Variants in CCNY observed in about 807,000 individuals in gnomAD.
CCNY encodes the protein cyclin-Y.
Under a neutral mutation model 42.8 loss-of-function variants are expected in CCNY, and 19 were observed. The observed-to-expected ratio is 0.44, with a 90% CI of 0.31 to 0.65. The LOEUF (loss-of-function observed/expected upper bound fraction) is 0.65, where lower values mean the gene tolerates loss of function less well. Ranked by LOEUF, CCNY falls within the 30% of genes least tolerant of loss-of-function variation. The probability of loss-of-function intolerance (pLI) is 0.07; values close to 1 mark genes in which losing one functional copy is unlikely to be tolerated. For synonymous variants in CCNY, 165 were observed against 162.7 expected (o/e 1.01, Z -0.11); for missense variants, 370 against 437.3 (o/e 0.85, Z 1.37).
chr10:35,269,633 T>G (rs1389142425), intron 3 of CCNY, among the ~76,000 whole-genome samples: 31 of 118,228 alleles, frequency 2.6e-4, no homozygotes, highest in South Asian at 5.8e-4. Context: ...TTTTTTTTGT[T>G]TTGTTTTTTT....
At chr10:35,560,578 A>C in intron 8 of CCNY, among the ~76,000 whole-genome samples, 1 of 152,266 alleles carries the variant, frequency 6.6e-6, no homozygotes, top group Middle Eastern at 3.4e-3. Flanking sequence ...AACTGTGGGG[A>C]AAAAATTCCC....
intron 3 of CCNY, among the ~76,000 whole-genome samples, chr10:35,324,017 C>CAAAAA (rs35546209): frequency 7.4e-6 from 1 of 135,096 alleles, no homozygotes. Flanking sequence ...GACTTTGCCT[C>CAAAAA]AAAAAAAAAA....
chr10:35,312,615 T>G (rs1835700761), intron 3 of CCNY, among the ~76,000 whole-genome samples: 1 of 151,940 alleles, frequency 6.6e-6, no homozygotes, highest in Non-Finnish European at 1.5e-5. Context: ...TTATTTTACC[T>G]CCTAGTAAAC....
intron 1 of CCNY, among the ~76,000 whole-genome samples, chr10:35,354,540 G>T (rs1383124767): frequency 2.0e-5 from 3 of 152,104 alleles, no homozygotes; most frequent in African/African-American, 7.2e-5. Flanking sequence ...ACTGCTATTT[G>T]ATAGAATCAA....
At chr10:35,341,454 A>T (rs961435671) in intron 1 of CCNY, among the ~76,000 whole-genome samples, 1 of 152,232 alleles carries the variant, frequency 6.6e-6, no homozygotes, top group African/African-American at 2.4e-5. Context: ...GATATACTAT[A>T]TAAGTATAAA....
intron 4 of CCNY, among the ~76,000 whole-genome samples, chr10:35,523,933 C>T (rs1296730214): frequency 6.6e-6 from 1 of 152,150 alleles, no homozygotes; most frequent in Non-Finnish European, 1.5e-5. Context: ...GCTGTATGCT[C>T]CCTCACAGGG....
At chr10:35,429,624 A>T (rs1838340986) in intron 1 of CCNY, among the ~76,000 whole-genome samples, 1 of 152,220 alleles carries the variant, frequency 6.6e-6, no homozygotes, top group African/African-American at 2.4e-5. Context: ...GTGAAAATGG[A>T]GTATGCAGGT....
Position 35,369,660 on chromosome 10 carries a change from T to A in CCNY, c.154+32453T>A, listed in dbSNP as rs187016977. On this transcript the variant is annotated intron_variant, in intron 1 of 9. Coordinates refer to ENST00000374704, the MANE Select transcript of CCNY (RefSeq NM_145012.6). ...TTATTAGTGTGCTGAGCCGGCCACTTAAGTGAGCTGAAGATACATACAAAT... is the reference window on the plus strand; with the variant it reads ...TTATTAGTGTGCTGAGCCGGCCACTAAAGTGAGCTGAAGATACATACAAAT... 3.3e-5 allele frequency among the ~76,000 whole-genome samples: 5 copies of A among 152,348 alleles called. No homozygotes were observed. In the East Asian group the frequency reaches 9.6e-4, roughly 29 times the overall value.
intron 1 of CCNY, among the ~76,000 whole-genome samples, chr10:35,431,031 C>T (rs956084336): frequency 6.6e-5 from 10 of 151,360 alleles, no homozygotes; most frequent in African/African-American, 1.9e-4. Flanking sequence ...GTAGGAGAAT[C>T]GCTTGAACCT....
chr10:35,430,715 G>T (rs1838372838), intron 1 of CCNY, among the ~76,000 whole-genome samples: 2 of 152,140 alleles, frequency 1.3e-5, no homozygotes, highest in Non-Finnish European at 1.5e-5. Context: ...ATAAGAAAAA[G>T]ATTTCTTTGC....
chr10:35,559,050 G>A (rs1045145728), intron 8 of CCNY, among the ~76,000 whole-genome samples: 1 of 152,224 alleles, frequency 6.6e-6, no homozygotes, highest in African/African-American at 2.4e-5. Flanking sequence ...TGGTAGAAAT[G>A]TGGGCATTAA....
At chr10:35,436,607 C>T (rs1300644660) in intron 1 of CCNY, among the ~76,000 whole-genome samples, 1 of 152,184 alleles carries the variant, frequency 6.6e-6, no homozygotes, top group East Asian at 1.9e-4. Flanking sequence ...AGGCACAGCA[C>T]TTGCTCTTAC....
chr10:35,317,955 G>A (rs1165656110), intron 3 of CCNY, among the ~76,000 whole-genome samples: 4 of 152,160 alleles, frequency 2.6e-5, no homozygotes, highest in East Asian at 1.9e-4. Context: ...CCAGCCTGGC[G>A]CTGTGGCTCT....
rs41276104 is a variant in CCNY at position 35,250,595 on chromosome 10, C to T, written c.-40C>T. 2.4e-3 allele frequency: 364 copies of T among 152,428 alleles called. 1 individual carries two copies. The highest frequency in any genetic ancestry group is 4.2e-3 in the Non-Finnish European group (286 of 68,032). 9.4% of individuals were successfully genotyped at this position (152,428 alleles called of 1,614,324 possible). On this transcript the variant is annotated 5_prime_UTR_variant, in exon 3 of 12. Transcript: ENST00000374706. ...CAAGCTCTCTAGGTAATTCTGTGCACGTTCAGTCTGAGAACTGCTGCATCT... is the reference window on the plus strand; with the variant it reads ...CAAGCTCTCTAGGTAATTCTGTGCATGTTCAGTCTGAGAACTGCTGCATCT...
At chr10:35,348,886 G>GTT (rs879355356) in intron 1 of CCNY, among the ~76,000 whole-genome samples, 5 of 144,226 alleles carry the variant, frequency 3.5e-5, no homozygotes, top group African/African-American at 7.6e-5. Context: ...TCTAAGTTGG[G>GTT]TTTTTTTTTT....
At chr10:35,485,720 G>A (rs921995966) in intron 2 of CCNY, among the ~76,000 whole-genome samples, 30 of 85,830 alleles carry the variant, frequency 3.5e-4, no homozygotes, top group African/African-American at 8.7e-4. Context: ...GCGAGACTCC[G>A]TCTCAAAAAA....
intron 4 of CCNY, among the ~76,000 whole-genome samples, chr10:35,519,747 TAAA>T: frequency 6.6e-6 from 1 of 150,772 alleles, no homozygotes; most frequent in Admixed American, 6.6e-5. Flanking sequence ...TCAGTTGCTT[TAAA>T]AAGTATCTTC....
chr10:35,389,119 T>G (rs1052514680), intron 1 of CCNY, among the ~76,000 whole-genome samples: 2 of 152,198 alleles, frequency 1.3e-5, no homozygotes, highest in Non-Finnish European at 2.9e-5. Context: ...GACGAGGACA[T>G]CTTTGGGGAC....
Position 35,442,092 on chromosome 10 carries a change from G to C in CCNY, c.155-41312G>C, listed in dbSNP as rs1838682426. ...AAGTCCTAGTAAAGCAATAGTGAAA[G>C]TGTACCTGGGTATAACACATGGGCT... On this transcript the variant is annotated intron_variant, in intron 1 of 9. Coordinates refer to ENST00000374704, the MANE Select transcript of CCNY (RefSeq NM_145012.6). Among the ~76,000 whole-genome samples the C allele has an allele frequency of 2.6e-5, 4 of 152,196 alleles. No homozygotes were observed. In the South Asian group the frequency reaches 8.3e-4, roughly 31 times the overall value.
Sources: gnomAD v4.1 joint callset for allele counts (sites outside exome capture counted in the v4.1 genomes callset) on GRCh38, gnomAD v4.1.1 for gene constraint, MANE v1.5 for transcripts, NCBI Gene and HGNC (gene_info 2026-07-23, HGNC 2026-07-21) for gene names.